PTPRG: variants seen among roughly 807,000 people sequenced by gnomAD.
The protein encoded by PTPRG is protein tyrosine phosphatase receptor type G.
PTPRG carries 102 observed loss-of-function variants against 165.3 expected under a neutral mutation model. The observed-to-expected ratio is 0.62, with a 90% CI of 0.53 to 0.73. PTPRG has a LOEUF of 0.73. Among genes scored for constraint, PTPRG ranks in the 30% least tolerant of loss-of-function variants. PTPRG has a pLI of 0.00. For synonymous variants in PTPRG, 675 were observed against 669.5 expected, an observed-to-expected ratio of 1.01 and a Z score of -0.13; for missense variants, 1,866 against 1,861.4, an observed-to-expected ratio of 1.00 and a Z score of -0.05.
At chr3:61,636,295 C>T (rs1308139083) in intron 1 of PTPRG, among the ~76,000 whole-genome samples, 4 of 152,088 alleles carry the variant, frequency 2.6e-5, no homozygotes, top group Admixed American at 1.3e-4. Context: ...TTATTATACC[C>T]GAAAGAAACC....
intron 1 of PTPRG, among the ~76,000 whole-genome samples, chr3:61,661,156 T>A (rs1702651661): frequency 6.6e-6 from 1 of 152,032 alleles, no homozygotes; most frequent in Admixed American, 6.6e-5. Flanking sequence ...TACTGCAGCC[T>A]CAAACTCCTG....
Position 62,214,463 on chromosome 3 carries a change from A to G in PTPRG, c.2156-4388A>G, listed in dbSNP as rs1700448523. ...CCACAATGCCGTATGCAATATTATT[A>G]CTTCCATTTACAGAGGAGGAGACTG... On this transcript the variant is annotated intron_variant, in intron 12 of 29. Coordinates refer to ENST00000474889, the MANE Select transcript of PTPRG (RefSeq NM_002841.4). This position sits in a 1 kb window ranked among gnomAD's most constrained non-coding sequence, Gnocchi z 5.2. Among the ~76,000 whole-genome samples the G allele has an allele frequency of 1.3e-5, 2 of 152,206 alleles. No homozygotes were observed. The highest frequency in any genetic ancestry group is 4.8e-5 in the African/African-American group (2 of 41,458).
chr3:61,955,207 T>C (rs961091097), intron 2 of PTPRG, among the ~76,000 whole-genome samples: 11 of 152,240 alleles, frequency 7.2e-5, no homozygotes, highest in Admixed American at 6.5e-4. Flanking sequence ...TTTTCAGACC[T>C]TCCTGTACGA....
chr3:61,823,111 C>T (rs550804056), intron 2 of PTPRG, among the ~76,000 whole-genome samples: 2 of 152,142 alleles, frequency 1.3e-5, no homozygotes, highest in South Asian at 2.1e-4. Context: ...TCCCATCATG[C>T]GTAGTTTGCA....
chr3:61,671,763 G>GC (rs1702998721), intron 1 of PTPRG, among the ~76,000 whole-genome samples: 1 of 119,076 alleles, frequency 8.4e-6, no homozygotes. Flanking sequence ...CTGGCCGGGC[G>GC]GGGGGCTGAC....
rs532356516 is a variant in PTPRG, at chr3:61,866,582, C to CTTTTTTTT, written c.190+117629_190+117636dup. Among the ~76,000 whole-genome samples the CTTTTTTTT allele has an allele frequency of 1.4e-3, 99 of 69,100 alleles. 28 individuals are homozygous for CTTTTTTTT. The highest frequency in any genetic ancestry group is 2.0e-3 in the Non-Finnish European group (67 of 33,138). The allele number at this position is 69,100 out of a possible 152,430, so 45.3% of individuals were successfully genotyped here. ...TTCCCTGGCTTTGGAACTGTTTGCT[C>CTTTTTTTT]TTTTTTTTTTTTTTTTTTTTTTTTT... On this transcript the variant is annotated intron_variant, in intron 2 of 29. Coordinates refer to ENST00000474889, the MANE Select transcript of PTPRG (RefSeq NM_002841.4).
At chr3:62,189,054 C>T (rs553709428) in intron 8 of PTPRG, among the ~76,000 whole-genome samples, 1 of 152,160 alleles carries the variant, frequency 6.6e-6, no homozygotes, top group African/African-American at 2.4e-5. Flanking sequence ...GTCACTCCGC[C>T]CTCATGTCTC....
chr3:62,003,528 C>A, intron 4 of PTPRG, 31 bp downstream of exon 4: 1 of 1,610,964 alleles, frequency 6.2e-7, no homozygotes, highest in Non-Finnish European at 8.5e-7. Context: ...CAACGTGTAG[C>A]TGTGCTTCGG....
intron 4 of PTPRG, among the ~76,000 whole-genome samples, chr3:62,011,714 G>A (rs1035766310): frequency 6.6e-6 from 1 of 152,200 alleles, no homozygotes; most frequent in African/African-American, 2.4e-5. Flanking sequence ...CTAGTACTTA[G>A]AGAATACTCA....
intron 2 of PTPRG, among the ~76,000 whole-genome samples, chr3:61,758,641 C>T (rs1459267536): frequency 6.6e-6 from 1 of 151,954 alleles, no homozygotes; most frequent in South Asian, 2.1e-4. Context: ...TTAGTAGAGA[C>T]GGGGTTTCAC....
At chr3:61,600,566 G>A (rs1700836430) in intron 1 of PTPRG, among the ~76,000 whole-genome samples, 4 of 152,044 alleles carry the variant, frequency 2.6e-5, no homozygotes, top group Admixed American at 2.6e-4. Flanking sequence ...TTGAGACAAG[G>A]TCTTGTTCTG....
At chr3:61,893,776 G>T (rs886437095) in intron 2 of PTPRG, among the ~76,000 whole-genome samples, 1 of 152,172 alleles carries the variant, frequency 6.6e-6, no homozygotes, top group Non-Finnish European at 1.5e-5. Flanking sequence ...ATTCTTGAGC[G>T]GGGGCATCCA....
intron 2 of PTPRG, among the ~76,000 whole-genome samples, chr3:61,798,079 C>G (rs2035110064): frequency 6.6e-6 from 1 of 152,106 alleles, no homozygotes; most frequent in Admixed American, 6.5e-5. Flanking sequence ...TTTCTTCATT[C>G]TTAAAATGCT....
intron 1 of PTPRG, among the ~76,000 whole-genome samples, chr3:61,563,798 C>A (rs1171441051): frequency 8.6e-6 from 1 of 115,752 alleles, no homozygotes; most frequent in Non-Finnish European, 1.9e-5. Context: ...CGGGAGCCCT[C>A]GTCGCCCTTG....
At chr3:61,699,099 A>C (rs2030792505) in intron 1 of PTPRG, among the ~76,000 whole-genome samples, 1 of 152,212 alleles carries the variant, frequency 6.6e-6, no homozygotes, top group African/African-American at 2.4e-5. Flanking sequence ...GCAGCACAGC[A>C]ACATGGCACA....
At chr3:61,866,954 G>A (rs538691847) in intron 2 of PTPRG, among the ~76,000 whole-genome samples, 18 of 152,248 alleles carry the variant, frequency 1.2e-4, no homozygotes, top group African/African-American at 3.6e-4. Context: ...GAGACCACAG[G>A]AGTGCTAGAG....
chr3:62,221,858 A>G (rs1221411223), intron 13 of PTPRG, among the ~76,000 whole-genome samples: 2 of 152,178 alleles, frequency 1.3e-5, no homozygotes, highest in African/African-American at 4.8e-5. Context: ...ATAGTGGAAA[A>G]CTACACTCAA....
chr3:61,697,472 C>T (rs934961609), intron 1 of PTPRG, among the ~76,000 whole-genome samples: 1 of 152,172 alleles, frequency 6.6e-6, no homozygotes. Flanking sequence ...CATTAAATAA[C>T]CAGGCACGAT....
chr3:61,683,843 A>G (rs1703531163), intron 1 of PTPRG, among the ~76,000 whole-genome samples: 1 of 152,224 alleles, frequency 6.6e-6, no homozygotes, highest in Non-Finnish European at 1.5e-5. Context: ...GTTATGAAGG[A>G]GACCTCCCAT....
Sources: gnomAD v4.1 joint callset for allele counts (sites outside exome capture counted in the v4.1 genomes callset) on GRCh38, gnomAD v4.1.1 for gene constraint, Gnocchi (gnomAD v3.1) non-coding constraint, MANE v1.5 for transcripts, NCBI Gene and HGNC (gene_info 2026-07-23, HGNC 2026-07-21) for gene names.